ADD2: variants seen among roughly 807,000 people sequenced by gnomAD.
ADD2 encodes adducin 2, also known as beta-adducin.
In ADD2, 23 loss-of-function variants were observed where a neutral mutation model predicts 83.0. That is an observed-to-expected ratio of 0.28 (90% CI 0.20 to 0.39). ADD2 has a LOEUF of 0.39. Ranked by LOEUF, ADD2 falls within the 10% of genes least tolerant of loss-of-function variation. ADD2 has a pLI of 1.00. For missense variants in ADD2, 758 were observed against 944.9 expected, an observed-to-expected ratio of 0.80 and a Z score of 2.59; for synonymous variants, 375 against 375.4, an observed-to-expected ratio of 1.00 and a Z score of 0.01.
intron 1 of ADD2, among the ~76,000 whole-genome samples, chr2:70,718,286 G>A (rs534318915): frequency 6.6e-6 from 1 of 152,320 alleles, no homozygotes; most frequent in African/African-American, 2.4e-5. Flanking sequence ...TCAAGTATCT[G>A]TTGGTGCCCG....
intron 10 of ADD2, 48 bp downstream of exon 10, chr2:70,683,543 G>C (rs1043743497): frequency 1.3e-6 from 2 of 1,566,486 alleles, no homozygotes; most frequent in Admixed American, 3.5e-5. Context: ...GTTCCAGGGG[G>C]CTAAGCCTCA....
Position 70,676,628 on chromosome 2 carries a change from C to G in ADD2, c.1593+168G>C. On this transcript the variant is annotated intron_variant, in intron 13 of 15. Coordinates refer to ENST00000264436, the MANE Select transcript of ADD2 (RefSeq NM_001617.4). The surrounding 1 kb of genome is among the most constrained non-coding windows in gnomAD (Gnocchi z 4.8). ...CAGACATTGTCCTCCCTGGTCCTCA[C>G]AGCACCCCTGTGAGGTTGGCCTCCA... 1 of 1,466,884 alleles carries G rather than the reference C, an allele frequency of 6.8e-7. No homozygotes were observed. Among genetic ancestry groups the G allele is most frequent in the South Asian group, 1.4e-5 (1 of 71,772 alleles). The allele number at this position is 1,466,884 out of a possible 1,614,324, so 90.9% of individuals were successfully genotyped here.
chr2:70,747,440 G>A (rs1322690969), intron 1 of ADD2, among the ~76,000 whole-genome samples: 1 of 150,958 alleles, frequency 6.6e-6, no homozygotes, highest in African/African-American at 2.4e-5. Flanking sequence ...CATGCCATGT[G>A]CTCTCCCATC....
intron 1 of ADD2, among the ~76,000 whole-genome samples, chr2:70,751,936 G>A (rs1223823286): frequency 2.6e-5 from 4 of 152,166 alleles, no homozygotes; most frequent in African/African-American, 9.7e-5. Flanking sequence ...GGAAATACAA[G>A]AGTCGCCGCT....
chr2:70,697,701 A>G (rs1285490635), intron 4 of ADD2, among the ~76,000 whole-genome samples: 1 of 152,178 alleles, frequency 6.6e-6, no homozygotes, highest in Non-Finnish European at 1.5e-5. Flanking sequence ...CGAGTGTGCC[A>G]TTAGTGGAAG....
intron 1 of ADD2, among the ~76,000 whole-genome samples, chr2:70,719,654 G>A (rs542652394): frequency 5.9e-5 from 9 of 152,284 alleles, no homozygotes; most frequent in African/African-American, 2.2e-4. Context: ...TGGAAACTAT[G>A]CAGATAAAAG....
intron 4 of ADD2, among the ~76,000 whole-genome samples, chr2:70,700,398 A>T (rs1260668423): frequency 6.6e-6 from 1 of 152,170 alleles, no homozygotes; most frequent in African/African-American, 2.4e-5. Flanking sequence ...GCTATTTAGA[A>T]ATTAACAATA....
chr2:70,688,151 C>T, intron 8 of ADD2, 29 bp from the exon 9 acceptor site: 3 of 1,579,890 alleles, frequency 1.9e-6, no homozygotes, highest in Non-Finnish European at 2.6e-6. Context: ...TCAATTAAAA[C>T]CTTAAGTCCT....
intron 1 of ADD2, chr2:70,767,618 G>A: frequency 7.8e-7 from 1 of 1,277,136 alleles, no homozygotes; most frequent in Non-Finnish European, 9.8e-7. Context: ...CAGGCGTTAC[G>A]CTCCGGGCGA....
intron 1 of ADD2, among the ~76,000 whole-genome samples, chr2:70,745,138 T>C (rs950929735): frequency 1.3e-5 from 2 of 151,778 alleles, no homozygotes; most frequent in Admixed American, 6.6e-5. Flanking sequence ...TACAAAAAAT[T>C]AGCCGGGCGT....
chr2:70,714,324 C>T (rs1278313396), intron 1 of ADD2, among the ~76,000 whole-genome samples: 1 of 152,124 alleles, frequency 6.6e-6, no homozygotes, highest in Non-Finnish European at 1.5e-5. Context: ...GGCTCACTGG[C>T]AGCTCACTTC....
chr2:70,700,491 T>C (rs1553373374), intron 4 of ADD2, among the ~76,000 whole-genome samples: 2 of 152,176 alleles, frequency 1.3e-5, no homozygotes, highest in East Asian at 3.8e-4. Flanking sequence ...AATGTCTTTA[T>C]TATTGAATTC....
chr2:70,669,346 A>AT (rs782076481), intron 15 of ADD2, among the ~76,000 whole-genome samples: 4 of 152,218 alleles, frequency 2.6e-5, no homozygotes, highest in African/African-American at 2.4e-5. Context: ...AGAAATAGAG[A>AT]TTTTTAACAA....
chr2:70,660,079 GGCCTTTCCTTTCTAATA>G lies in ADD2; in HGVS notation c.*3329_*3345del, dbSNP rs1675489262. ...ACTTTTATCCACAGCCAAAGAAAAT[GGCCTTTCCTTTCTAATA>G]GCCTGTAGATTTGTTTGGACCACAT... On this transcript the variant is annotated 3_prime_UTR_variant, in exon 16 of 16. Transcript: ENST00000264436. 6.6e-6 allele frequency: 1 copy of G among 152,150 alleles called. No homozygotes were observed. The highest frequency in any genetic ancestry group is 2.4e-5 in the African/African-American group (1 of 41,424). 9.4% of individuals were successfully genotyped at this position (152,150 alleles called of 1,614,324 possible). A position where few individuals can be genotyped will look rare whatever the true frequency, so the allele number is the denominator to read the frequency against.
intron 14 of ADD2, among the ~76,000 whole-genome samples, chr2:70,674,282 C>T (rs560809405): frequency 2.7e-4 from 41 of 152,136 alleles, no homozygotes; most frequent in African/African-American, 6.7e-4. Context: ...AATAAAGGAG[C>T]GAGAAAAAGA....
In ADD2 at chr2:70,685,192, A is replaced by G. The variant is rs191121646; in HGVS notation, c.949-1425T>C. ...TGCAAACTTTCAGTATTTTTGTGACAGTTATTTTTTACTGGAAATGAAAAA... is the reference window on the plus strand; with the variant it reads ...TGCAAACTTTCAGTATTTTTGTGACGGTTATTTTTTACTGGAAATGAAAAA... On this transcript the variant is annotated intron_variant, in intron 9 of 15. Coordinates refer to ENST00000264436, the MANE Select transcript of ADD2 (RefSeq NM_001617.4). Among the ~76,000 whole-genome samples, 3 of 152,342 alleles carry G rather than the reference A, an allele frequency of 2.0e-5. No individual in the cohort carries two copies. In the East Asian group the frequency reaches 5.8e-4, roughly 29 times the overall value.
Position 70,677,786 on chromosome 2 carries a change from G to A in ADD2, c.1475C>T (p.Pro492Leu). 1 of 1,614,226 alleles carries A rather than the reference G, an allele frequency of 6.2e-7. No individual in the cohort carries two copies. The highest frequency in any genetic ancestry group is 8.5e-7 in the Non-Finnish European group (1 of 1,180,046). The change falls in exon 12 of 16, where the codon CCC becomes CTC. Residue 492 changes from proline (P) to leucine (L), a missense_variant. Pro to Leu is a moderately conservative substitution (Grantham distance 98). This residue lies in a region of ADD2 where 394 missense variants were observed against 509.3 expected (regional missense o/e 0.77). Transcript: ENST00000264436. Reference protein sequence around the residue: ...PNQFVPLYTDPQEVLEMRNKI... With the variant: ...PNQFVPLYTDLQEVLEMRNKI... ...GTTCCTCATCTCCAGTACTTCCTGG[G>A]GGTCAGTATAGAGAGGCACAAATTG... is the stretch of plus-strand genomic sequence containing the variant.
chr2:70,714,783 A>G (rs949581546), intron 1 of ADD2, among the ~76,000 whole-genome samples: 2 of 152,182 alleles, frequency 1.3e-5, no homozygotes, highest in Admixed American at 1.3e-4. Context: ...CTCAAACACC[A>G]GCTTCCTCTC....
chr2:70,713,011 C>T, intron 2 of ADD2, 55 bp downstream of exon 2: 1 of 822,792 alleles, frequency 1.2e-6, no homozygotes, highest in African/African-American at 1.8e-5. Flanking sequence ...CGTGATGGGC[C>T]CAGCCAAAAA....
Sources: allele counts gnomAD v4.1 joint callset (sites outside exome capture counted in the v4.1 genomes callset), GRCh38; gene constraint gnomAD v4.1.1; regional missense constraint gnomAD v4.1.1; non-coding constraint Gnocchi (gnomAD v3.1); transcripts MANE v1.5; gene names NCBI Gene and HGNC (gene_info 2026-07-23, HGNC 2026-07-21).